The following USP24 variants were observed in gnomAD, a reference collection of about 807,000 sequenced individuals.
USP24 encodes the protein ubiquitin specific peptidase 24, also known as ubiquitin carboxyl-terminal hydrolase 24.
In USP24, 97 loss-of-function variants were observed where a neutral mutation model predicts 361.6. The ratio of observed to expected loss-of-function variants is 0.27; its 90% CI spans 0.23 to 0.32. USP24 has a LOEUF of 0.32. USP24 is among the 10% of genes least tolerant of loss of function. The pLI is 1.00. For missense variants in USP24, 2,353 were observed against 3,165.6 expected (o/e 0.74, Z 6.16); for synonymous variants, 1,098 against 1,124.6 (o/e 0.98, Z 0.47).
Position 55,134,089 on chromosome 1 carries a change from A to C in USP24, c.3362T>G (p.Leu1121Arg). The change falls in exon 30 of 68, where the codon CTT (leucine) becomes CGT (arginine). Residue 1121 changes from leucine to arginine, a missense_variant. This residue lies in a region of USP24 where 949 missense variants were observed against 1,280.5 expected (regional missense o/e 0.74). Coordinates refer to ENST00000294383, the MANE Select transcript of USP24 (RefSeq NM_015306.3). Reference sequence around the variant, plus strand: ...TCATACCTTTCTTCCTAAAGAATCAAGTTGATCAAGGGCTTCCTGAATGGC... The same window carrying C: ...TCATACCTTTCTTCCTAAAGAATCACGTTGATCAAGGGCTTCCTGAATGGC... ...DPAIQEALDQLDSLGRKKTLL... is the reference protein window; with the variant it reads ...DPAIQEALDQRDSLGRKKTLL... 6.2e-7 allele frequency: 1 copy of C among 1,613,758 alleles called. No individual in the cohort carries two copies. Among genetic ancestry groups the C allele is most frequent in the South Asian group, 1.1e-5 (1 of 91,060 alleles).
Position 55,091,925 on chromosome 1 carries a change from G to A in USP24, c.6554+98C>T, listed in dbSNP as rs991604397. 3 of 887,000 alleles carry A rather than the reference G, an allele frequency of 3.4e-6. No individual in the cohort carries two copies. In the African/African-American group the frequency reaches 5.1e-5, roughly 15 times the overall value. 54.9% of individuals were successfully genotyped at this position (887,000 alleles called of 1,614,324 possible). A position where few individuals can be genotyped will look rare whatever the true frequency, so the allele number is the denominator to read the frequency against. On this transcript the variant is annotated intron_variant, in intron 54 of 67. Coordinates refer to ENST00000294383, the MANE Select transcript of USP24 (RefSeq NM_015306.3). ...GTCTTAGTCCTCTGAATAAAATTAG[G>A]TAGCTGCTTTCACAATATTTTAATT...
chr1:55,166,597 G>A lies in USP24; in HGVS notation c.832C>T (p.His278Tyr), dbSNP rs1435740214. 1.3e-6 allele frequency: 2 copies of A among 1,593,336 alleles called. No homozygotes were observed. The highest frequency in any genetic ancestry group is 8.6e-7 in the Non-Finnish European group (1 of 1,169,402). The change falls in exon 6 of 68, where the codon CAT becomes TAT. Residue 278 changes from histidine (H) to tyrosine (Y), a missense_variant. Physicochemically the swap from His to Tyr is moderately conservative, Grantham distance 83. Around this residue, in one of 8 missense-constraint regions of USP24, gnomAD observed 386 missense variants for 560.5 expected, o/e 0.69. Coordinates refer to ENST00000294383, the MANE Select transcript of USP24 (RefSeq NM_015306.3). ...TTTACCAAATCCACAACCCATCCAT[G>A]AGGCTCCTATGAGAAAAGAAAAACA... ...SPVSTFQKEP[H>Y]GWVVDLVNKF...
intron 1 of USP24, 85 bp from the exon 2 acceptor site, chr1:55,178,217 C>A (rs767280464): frequency 1.4e-6 from 2 of 1,397,612 alleles, no homozygotes; most frequent in Admixed American, 4.5e-5. Flanking sequence ...AGAGCAGATA[C>A]TGAATCAATG....
At chr1:55,159,332 C>CGAGAA (rs1387180788) in intron 9 of USP24, among the ~76,000 whole-genome samples, 2 of 152,200 alleles carry the variant, frequency 1.3e-5, no homozygotes, top group African/African-American at 4.8e-5. Flanking sequence ...TATTTTAAAA[C>CGAGAA]TTTCTCTATG....
intron 38 of USP24, among the ~76,000 whole-genome samples, chr1:55,115,716 G>A (rs1425474765): frequency 2.0e-5 from 3 of 152,078 alleles, no homozygotes; most frequent in Non-Finnish European, 4.4e-5. Context: ...ACACATGCAT[G>A]GGTATGTTTA....
At chr1:55,182,609 G>A (rs975754270) in intron 1 of USP24, among the ~76,000 whole-genome samples, 1 of 152,130 alleles carries the variant, frequency 6.6e-6, no homozygotes, top group Admixed American at 6.5e-5. Context: ...CTTATTATGT[G>A]CCTCCTGATA....
Position 55,130,603 on chromosome 1 carries a change from G to A in USP24, c.3538-1029C>T, listed in dbSNP as rs554668432. Among the ~76,000 whole-genome samples, 14 of 152,240 alleles carry A rather than the reference G, an allele frequency of 9.2e-5. No homozygotes were observed. The South Asian group carries it at 2.5e-3, about 27-fold the overall frequency. ...AGATGCCTTCTTCCTAGGTTGCTCT[G>A]GAGAAACAGGTCCACCAACCTGGGA... On this transcript the variant is annotated intron_variant, in intron 31 of 67. Coordinates refer to ENST00000294383, the MANE Select transcript of USP24 (RefSeq NM_015306.3).
chr1:55,107,841 C>CA (rs777328294), intron 39 of USP24, among the ~76,000 whole-genome samples: 5,335 of 38,186 alleles, frequency 0.14, 1,013 homozygotes, highest in Non-Finnish European at 0.15. Flanking sequence ...GACTCTGTCT[C>CA]AAAAAAAAAA....
intron 49 of USP24, 34 bp from the exon 50 acceptor site, chr1:55,096,656 T>C (rs1645502795): frequency 1.9e-6 from 3 of 1,588,556 alleles, no homozygotes; most frequent in Non-Finnish European, 2.6e-6. Flanking sequence ...CATTATAAGG[T>C]TAAAAAAATC....
intron 67 of USP24, among the ~76,000 whole-genome samples, chr1:55,069,990 G>A (rs968127425): frequency 2.0e-5 from 3 of 151,228 alleles, no homozygotes; most frequent in African/African-American, 4.9e-5. Flanking sequence ...CAAAGCCTTT[G>A]AAAGGTTTTA....
At chr1:55,202,932 G>C (rs1420533577) in intron 1 of USP24, among the ~76,000 whole-genome samples, 1 of 152,130 alleles carries the variant, frequency 6.6e-6, no homozygotes, top group Non-Finnish European at 1.5e-5. Context: ...ATAAACTATA[G>C]AATCAACACT....
At chr1:55,146,786 C>T (rs1365797969) in intron 19 of USP24, 143 bp downstream of exon 19, 3 of 872,738 alleles carry the variant, frequency 3.4e-6, no homozygotes, top group Non-Finnish European at 3.3e-6. Context: ...TTATATAAAA[C>T]ATTTTTTCAG....
At chr1:55,213,657 C>T (rs1285016353) in intron 1 of USP24, among the ~76,000 whole-genome samples, 1 of 152,162 alleles carries the variant, frequency 6.6e-6, no homozygotes, top group Non-Finnish European at 1.5e-5. Flanking sequence ...AAATGAACTA[C>T]CCAACGAATC....
chr1:55,162,481 C>T (rs577275439), intron 7 of USP24, among the ~76,000 whole-genome samples: 1 of 152,124 alleles, frequency 6.6e-6, no homozygotes, highest in South Asian at 2.1e-4. Context: ...TAATTTAAAT[C>T]AGAATATGTC....
intron 27 of USP24, 40 bp from the exon 28 acceptor site, chr1:55,137,728 A>G (rs1367722522): frequency 1.3e-6 from 2 of 1,587,968 alleles, no homozygotes; most frequent in South Asian, 1.1e-5. Flanking sequence ...AGGAAAAGGA[A>G]GAGGAAATTA....
intron 50 of USP24, among the ~76,000 whole-genome samples, chr1:55,095,681 C>A (rs1645481652): frequency 6.6e-6 from 1 of 152,028 alleles, no homozygotes; most frequent in Non-Finnish European, 1.5e-5. Flanking sequence ...AGGTAAGTAT[C>A]CTAGGGAGGT....
At chr1:55,195,075 T>C (rs1460568368) in intron 1 of USP24, among the ~76,000 whole-genome samples, 2 of 151,932 alleles carry the variant, frequency 1.3e-5, no homozygotes, top group Non-Finnish European at 2.9e-5. Context: ...AAAAGGAAGC[T>C]CATCCCATCA....
At chr1:55,080,911 T>C (rs912738511) in intron 59 of USP24, among the ~76,000 whole-genome samples, 13 of 152,218 alleles carry the variant, frequency 8.5e-5, no homozygotes, top group Non-Finnish European at 1.5e-4. Flanking sequence ...TATCTCATTA[T>C]ACCTGGGGAA....
rs1254255234 is a variant in USP24 at position 55,078,669 on chromosome 1, C to T, written c.7201-18G>A. 1 of 1,583,008 alleles carries T rather than the reference C, an allele frequency of 6.3e-7. No homozygotes were observed. Among genetic ancestry groups the T allele is most frequent in the Non-Finnish European group, 8.6e-7 (1 of 1,166,414 alleles). ...AACATTACCTGGTGGGAAGACATAA[C>T]ACAGTCAGCTATTCTCATGTCACAG... On this transcript the variant is annotated intron_variant, in intron 60 of 67. Coordinates refer to ENST00000294383, the MANE Select transcript of USP24 (RefSeq NM_015306.3).
Sources: allele counts gnomAD v4.1 joint callset (sites outside exome capture counted in the v4.1 genomes callset), GRCh38; gene constraint gnomAD v4.1.1; regional missense constraint gnomAD v4.1.1; transcripts MANE v1.5; gene names NCBI Gene and HGNC (gene_info 2026-07-23, HGNC 2026-07-21).